The following GRM5 variants were observed in gnomAD, a reference collection of about 807,000 sequenced individuals.
The protein encoded by GRM5 is metabotropic glutamate receptor 5.
A neutral mutation model predicts 83.1 loss-of-function variants in GRM5; 19 were observed. The observed-to-expected ratio is 0.23, with a 90% CI of 0.16 to 0.34. GRM5 has a LOEUF of 0.34. Ranked by LOEUF, GRM5 falls within the 10% of genes least tolerant of loss-of-function variation. GRM5 has a pLI of 1.00. For missense variants in GRM5, 1,160 were observed against 1,588.3 expected, an observed-to-expected ratio of 0.73 and a Z score of 4.58; for synonymous variants, 675 against 633.6, an observed-to-expected ratio of 1.07 and a Z score of -0.98.
At chr11:88,872,443 T>C (rs1393663759) in intron 2 of GRM5, among the ~76,000 whole-genome samples, 1 of 151,688 alleles carries the variant, frequency 6.6e-6, no homozygotes, top group South Asian at 2.1e-4. Flanking sequence ...AAGACCTTTA[T>C]ATTTTTATAT....
chr11:88,546,650 C>T (rs1161797058), intron 8 of GRM5, among the ~76,000 whole-genome samples: 1 of 152,012 alleles, frequency 6.6e-6, no homozygotes, highest in African/African-American at 2.4e-5. Flanking sequence ...GTGTTCAAAA[C>T]TTCTGTAGAC....
At chr11:88,945,454 G>T (rs753898010) in intron 2 of GRM5, among the ~76,000 whole-genome samples, 1 of 151,888 alleles carries the variant, frequency 6.6e-6, no homozygotes, top group African/African-American at 2.4e-5. Context: ...TAACCAAAAA[G>T]AACAAAGCCA....
At chr11:88,993,306 T>C (rs972674595) in intron 2 of GRM5, among the ~76,000 whole-genome samples, 2 of 151,368 alleles carry the variant, frequency 1.3e-5, no homozygotes, top group Non-Finnish European at 2.9e-5. Context: ...GTTTCATTCT[T>C]TTATATATGG....
chr11:88,875,786 G>A (rs762191282), intron 2 of GRM5, among the ~76,000 whole-genome samples: 17 of 152,002 alleles, frequency 1.1e-4, no homozygotes, highest in Non-Finnish European at 2.5e-4. Context: ...TTGTCATAAA[G>A]CAGTAATATT....
chr11:88,703,176 C>T (rs578247108), intron 3 of GRM5, among the ~76,000 whole-genome samples: 7 of 152,098 alleles, frequency 4.6e-5, no homozygotes, highest in South Asian at 2.1e-4. Context: ...AGCGCTGGGT[C>T]CTCTCCCCAG....
chr11:88,880,224 G>A (rs1944929935), intron 2 of GRM5, among the ~76,000 whole-genome samples: 1 of 151,908 alleles, frequency 6.6e-6, no homozygotes, highest in South Asian at 2.1e-4. Flanking sequence ...ATGAAATAAA[G>A]GAAAAAGAAG....
chr11:88,926,724 A>G (rs584784), intron 2 of GRM5, among the ~76,000 whole-genome samples: 70,273 of 152,022 alleles, frequency 0.46, 18,077 homozygotes, highest in South Asian at 0.65. Context: ...TAAATCATAG[A>G]GAAATCTATT....
intron 4 of GRM5, among the ~76,000 whole-genome samples, chr11:88,645,810 T>C (rs970840764): frequency 5.9e-5 from 9 of 151,898 alleles, no homozygotes; most frequent in Admixed American, 3.3e-4. Flanking sequence ...CAGGTAACAA[T>C]GAAAAGGAGG....
chr11:88,859,542 C>A, intron 2 of GRM5, among the ~76,000 whole-genome samples: 1 of 152,080 alleles, frequency 6.6e-6, no homozygotes, highest in East Asian at 1.9e-4. Context: ...GCTATTATTT[C>A]CCACATTTCT....
chr11:88,923,846 A>G (rs1439708076), intron 2 of GRM5, among the ~76,000 whole-genome samples: 1 of 151,300 alleles, frequency 6.6e-6, no homozygotes, highest in Non-Finnish European at 1.5e-5. Flanking sequence ...CTGAATATAT[A>G]TATTCATATA....
At chr11:88,739,681 C>T (rs1329983799) in intron 3 of GRM5, among the ~76,000 whole-genome samples, 1 of 152,034 alleles carries the variant, frequency 6.6e-6, no homozygotes, top group African/African-American at 2.4e-5. Flanking sequence ...TGGCAAGTTC[C>T]TCCTTCGCTC....
intron 3 of GRM5, among the ~76,000 whole-genome samples, chr11:88,751,085 A>AG (rs1324791082): frequency 6.7e-6 from 1 of 148,188 alleles, no homozygotes; most frequent in African/African-American, 2.4e-5. Context: ...AAAAAAAAAA[A>AG]AAAAAAAAAA....
At chr11:88,612,787 T>G (rs188719814) in intron 4 of GRM5, 1 of 152,280 alleles carries the variant, frequency 6.6e-6, no homozygotes, top group South Asian at 2.1e-4. Context: ...TGTCTGTTCA[T>G]GTCCTTCGCC....
At chr11:88,704,651 C>G (rs965443617) in intron 3 of GRM5, among the ~76,000 whole-genome samples, 9 of 152,104 alleles carry the variant, frequency 5.9e-5, no homozygotes, top group Non-Finnish European at 1.3e-4. Context: ...TGCCTTTCTT[C>G]CATCTATCTA....
chr11:88,855,479 T>C (rs1451531907), intron 2 of GRM5, among the ~76,000 whole-genome samples: 1 of 151,880 alleles, frequency 6.6e-6, no homozygotes, highest in Non-Finnish European at 1.5e-5. Context: ...ATTATTTAAT[T>C]ACGGTATTTG....
At position 88,653,351 on chromosome 11, in the gene GRM5, C is replaced by G. The variant is rs759355166; in HGVS notation, c.964G>C (p.Val322Leu). The G allele has an allele frequency of 3.1e-6, 5 of 1,613,066 alleles. No individual in the cohort carries two copies. The highest frequency in any genetic ancestry group is 4.2e-6 in the Non-Finnish European group (5 of 1,179,362). ...DVTDGYQREA[V>L]GGITIKLQSP... Reference sequence around the variant, plus strand: ...TGGAGCTTGATTGTGATGCCACCAACAGCTTCTCGCTGATATCCATCTGTC... The same window carrying G: ...TGGAGCTTGATTGTGATGCCACCAAGAGCTTCTCGCTGATATCCATCTGTC... The change falls in exon 4 of 10, where the codon GTT (valine) becomes CTT (leucine). Residue 322 changes from valine (V) to leucine (L), a missense_variant. By Grantham distance (32) the Val-to-Leu change is conservative (BLOSUM62 1). Transcript: ENST00000305447.
chr11:88,638,513 G>A (rs1347918014), intron 4 of GRM5, among the ~76,000 whole-genome samples: 1 of 152,018 alleles, frequency 6.6e-6, no homozygotes, highest in Non-Finnish European at 1.5e-5. Flanking sequence ...GAATTAGGAA[G>A]TATTTCTACT....
chr11:88,666,575 G>T (rs909724328), intron 3 of GRM5, among the ~76,000 whole-genome samples: 1 of 152,158 alleles, frequency 6.6e-6, no homozygotes, highest in Admixed American at 6.6e-5. Context: ...AACATCACAG[G>T]GGGGATCAAA....
Position 88,651,260 on chromosome 11 carries a change from G to C in GRM5, c.1147+1908C>G, listed in dbSNP as rs368288487. On this transcript the variant is annotated intron_variant, in intron 4 of 9. Coordinates refer to ENST00000305447, the MANE Select transcript of GRM5 (RefSeq NM_001143831.3). Reference sequence around the variant, plus strand: ...AGAAACAAATAACTATTTTCAAGAGGAGGCATTTCAGACCAAAAAACAGTG... The same window carrying C: ...AGAAACAAATAACTATTTTCAAGAGCAGGCATTTCAGACCAAAAAACAGTG... Among the ~76,000 whole-genome samples, 11 of 152,122 alleles carry C rather than the reference G, an allele frequency of 7.2e-5. 1 individual carries two copies. The highest frequency in any genetic ancestry group is 3.4e-3 in the Middle Eastern group (1 of 294).
Sources: allele counts gnomAD v4.1 joint callset (sites outside exome capture counted in the v4.1 genomes callset), GRCh38; gene constraint gnomAD v4.1.1; transcripts MANE v1.5; gene names NCBI Gene and HGNC (gene_info 2026-07-23, HGNC 2026-07-21).